The following SMIM10L3 variants were observed in gnomAD, a reference collection of about 807,000 sequenced individuals.
SMIM10L3 encodes the protein small integral membrane protein 10 like 3, also known as salivary gland specific protein SAGSIN1.
chr7:6,333,864 GAC>G, the SMIM10L3 span, among the ~76,000 whole-genome samples: 1 of 109,704 alleles, frequency 9.1e-6, no homozygotes, highest in Non-Finnish European at 1.8e-5. Context: ...TTTTTTTTGA[GAC>G]AGAGTCTTGC....
chr7:6,332,419 T>C, the SMIM10L3 span, among the ~76,000 whole-genome samples: 13 of 152,288 alleles, frequency 8.5e-5, 1 homozygote, highest in South Asian at 2.3e-3. Context: ...CACTTTTGAG[T>C]GTTGTCTGAA....
the SMIM10L3 span, among the ~76,000 whole-genome samples, chr7:6,337,911 C>A: frequency 6.6e-6 from 1 of 151,602 alleles, no homozygotes; most frequent in Non-Finnish European, 1.5e-5. Flanking sequence ...TCAAGCAATT[C>A]TCCTGCCTCA....
At chr7:6,342,834 C>T in the SMIM10L3 span, among the ~76,000 whole-genome samples, 1 of 151,534 alleles carries the variant, frequency 6.6e-6, no homozygotes, top group Non-Finnish European at 1.5e-5. Context: ...GCCAGGAGTT[C>T]GAGACCACCC....
At chr7:6,347,883 T>TTATTATTATTATTATTA in the SMIM10L3 span, among the ~76,000 whole-genome samples, 2 of 131,538 alleles carry the variant, frequency 1.5e-5, no homozygotes, top group African/African-American at 5.6e-5. Context: ...ACGAGACCCC[T>TTATTATTATTATTATTA]TTATTATTAT....
the SMIM10L3 span, among the ~76,000 whole-genome samples, chr7:6,339,006 C>A: frequency 6.6e-6 from 1 of 152,142 alleles, no homozygotes; most frequent in African/African-American, 2.4e-5. Context: ...GTGCTCATGG[C>A]CCAAATGATC....
At chr7:6,330,235 ATTTAC>A in the SMIM10L3 span, 3 of 838,252 alleles carry the variant, frequency 3.6e-6, no homozygotes, top group African/African-American at 5.2e-5. Context: ...TTTAAACTCA[ATTTAC>A]TTTAAGTCTG....
At chr7:6,334,536 C>G in the SMIM10L3 span, among the ~76,000 whole-genome samples, 2 of 152,058 alleles carry the variant, frequency 1.3e-5, no homozygotes, top group South Asian at 4.1e-4. Context: ...GGCAGGATCA[C>G]AGCTTACTGC....
At chr7:6,338,310 T>C in the SMIM10L3 span, among the ~76,000 whole-genome samples, 18 of 152,172 alleles carry the variant, frequency 1.2e-4, no homozygotes, top group Non-Finnish European at 1.8e-4. Flanking sequence ...AGATAAAATA[T>C]GCCTAAGTGT....
chr7:6,346,937 C>CAA, the SMIM10L3 span, among the ~76,000 whole-genome samples: 3 of 152,154 alleles, frequency 2.0e-5, no homozygotes, highest in African/African-American at 7.2e-5. Context: ...TCCTTCAGCA[C>CAA]AGAGGTATGC....
chr7:6,336,497 A>G, the SMIM10L3 span, among the ~76,000 whole-genome samples: 1 of 152,130 alleles, frequency 6.6e-6, no homozygotes, highest in African/African-American at 2.4e-5. Flanking sequence ...CCTGGCCAAC[A>G]CAGGGAAACC....
the SMIM10L3 span, among the ~76,000 whole-genome samples, chr7:6,344,357 T>G: frequency 6.6e-6 from 1 of 152,096 alleles, no homozygotes; most frequent in Non-Finnish European, 1.5e-5. Context: ...GACACCCCAC[T>G]CCCCACCCCC....
the SMIM10L3 span, among the ~76,000 whole-genome samples, chr7:6,347,917 T>TTAG: frequency 6.8e-6 from 1 of 147,192 alleles, no homozygotes; most frequent in African/African-American, 2.5e-5. Context: ...ATTATTATTA[T>TTAG]TATTATTATT....
the SMIM10L3 span, chr7:6,330,322 T>C: frequency 1.3e-6 from 2 of 1,518,458 alleles, no homozygotes; most frequent in East Asian, 2.3e-5. Context: ...GCGAAAGAAA[T>C]CATTCTAAGA....
the SMIM10L3 span, among the ~76,000 whole-genome samples, chr7:6,332,917 T>G: frequency 1.3e-5 from 2 of 152,024 alleles, no homozygotes; most frequent in Non-Finnish European, 2.9e-5. Flanking sequence ...TCCCAGCACT[T>G]TGGGAGGCCA....
At chr7:6,329,928 T>C in the SMIM10L3 span, 9 of 172,054 alleles carry the variant, frequency 5.2e-5, no homozygotes, top group Middle Eastern at 3.1e-3. Flanking sequence ...AATGTAGACA[T>C]GGTAACAGCT....
chr7:6,336,682 CAAA>C, the SMIM10L3 span, among the ~76,000 whole-genome samples: 11 of 122,932 alleles, frequency 8.9e-5, no homozygotes, highest in East Asian at 2.3e-4. Context: ...AGACTTTGTC[CAAA>C]AAAAAAAAAA....
chr7:6,332,970 T>C, the SMIM10L3 span, among the ~76,000 whole-genome samples: 1 of 151,648 alleles, frequency 6.6e-6, no homozygotes, highest in Non-Finnish European at 1.5e-5. Flanking sequence ...ACAAGCATGG[T>C]CAACATGGTG....
At chr7:6,341,643 T>G in the SMIM10L3 span, among the ~76,000 whole-genome samples, 2 of 147,616 alleles carry the variant, frequency 1.4e-5, no homozygotes, top group South Asian at 4.3e-4. Context: ...TGAGCTGAGA[T>G]CGCGCCACCG....
the SMIM10L3 span, among the ~76,000 whole-genome samples, chr7:6,340,233 TTC>T: frequency 6.6e-6 from 1 of 152,140 alleles, no homozygotes; most frequent in Admixed American, 6.6e-5. Context: ...AGCCAGAATC[TTC>T]TCTGACTACT....
Sources: gnomAD v4.1 joint callset for allele counts (sites outside exome capture counted in the v4.1 genomes callset) on GRCh38, gnomAD v4.1.1 for gene constraint, MANE v1.5 for transcripts, NCBI Gene and HGNC (gene_info 2026-07-23, HGNC 2026-07-21) for gene names.